The following CA12 variants were observed in gnomAD, a reference collection of about 807,000 sequenced individuals.
The protein encoded by CA12 is carbonate dehydratase XII.
In CA12, 36 loss-of-function variants were observed where a neutral mutation model predicts 46.8. The observed-to-expected ratio is 0.77, with a 90% CI of 0.59 to 1.02. CA12 has a LOEUF of 1.02. Ranked by LOEUF, CA12 falls within the 50% of genes least tolerant of loss-of-function variation. The pLI, the probability that CA12 is intolerant of heterozygous loss-of-function variation, is 0.00. For synonymous variants in CA12, 202 were observed against 187.0 expected, an observed-to-expected ratio of 1.08 and a Z score of -0.65; for missense variants, 436 against 451.4, an observed-to-expected ratio of 0.97 and a Z score of 0.31.
chr15:63,344,579 A>G (rs2152617501), intron 4 of CA12, among the ~76,000 whole-genome samples: 1 of 152,300 alleles, frequency 6.6e-6, no homozygotes, highest in Admixed American at 6.5e-5. Context: ...ACCAGATCCT[A>G]TCCCTTCCAT....
At chr15:63,351,456 C>A (rs1595784144) in intron 2 of CA12, among the ~76,000 whole-genome samples, 2 of 152,272 alleles carry the variant, frequency 1.3e-5, no homozygotes, top group African/African-American at 4.8e-5. Context: ...CCTGCCCCAC[C>A]CCAACAAGAC....
chr15:63,332,446 C>G (rs551860676), intron 8 of CA12, among the ~76,000 whole-genome samples: 79 of 152,336 alleles, frequency 5.2e-4, no homozygotes, highest in African/African-American at 1.3e-3. Flanking sequence ...CTGCAGACAG[C>G]ACGTTGCTCT....
At chr15:63,380,156 C>T (rs1042940421) in intron 1 of CA12, among the ~76,000 whole-genome samples, 1 of 152,176 alleles carries the variant, frequency 6.6e-6, no homozygotes, top group African/African-American at 2.4e-5. Flanking sequence ...CTGTGCTCTA[C>T]CCAGGGGTAG....
At chr15:63,338,589 G>C (rs1426818631) in intron 8 of CA12, among the ~76,000 whole-genome samples, 1 of 152,166 alleles carries the variant, frequency 6.6e-6, no homozygotes, top group Admixed American at 6.5e-5. Context: ...GAGTGCTCTG[G>C]TCCATGTGCC....
chr15:63,334,787 T>G (rs2038978808), intron 8 of CA12, among the ~76,000 whole-genome samples: 1 of 152,170 alleles, frequency 6.6e-6, no homozygotes, highest in East Asian at 1.9e-4. Context: ...TGCACAGTTC[T>G]CTCTCACGCT....
rs551823799 is a variant in CA12 at position 63,381,660 on chromosome 15, G to T, written c.61C>A (p.Pro21Thr). 147 of 1,611,908 alleles carry T rather than the reference G, an allele frequency of 9.1e-5. 3 individuals are homozygous for T. In the South Asian group the frequency reaches 1.6e-3, roughly 18 times the overall value. ...VLLLVILKEQ[P>T]SSPAPVNGSK... ...CCGTTCACTGGGGCCGGGCTGGAAG[G>T]CTGTTCCTTTAAGATCACCAGCAGG... The change falls in exon 1 of 11, where the codon CCT becomes ACT. Residue 21 changes from proline to threonine, a missense_variant. Transcript: ENST00000178638.
At chr15:63,379,344 C>G (rs1310150464) in intron 1 of CA12, among the ~76,000 whole-genome samples, 2 of 152,180 alleles carry the variant, frequency 1.3e-5, no homozygotes, top group African/African-American at 4.8e-5. Context: ...GCTCTGACCT[C>G]AGGAAGTCTC....
At chr15:63,370,760 G>A (rs963198889) in intron 2 of CA12, among the ~76,000 whole-genome samples, 3 of 150,596 alleles carry the variant, frequency 2.0e-5, no homozygotes, top group African/African-American at 7.4e-5. Flanking sequence ...GTGGCAGAGC[G>A]AGACTCCATC....
chr15:63,347,781 G>T (rs547147146), intron 2 of CA12, among the ~76,000 whole-genome samples: 1 of 152,320 alleles, frequency 6.6e-6, no homozygotes, highest in South Asian at 2.1e-4. Context: ...CGTTAGGGTA[G>T]ACCCAGGGTG....
In CA12 at chr15:63,338,594, T is replaced by C. The variant is rs140887384; in HGVS notation, c.874+225A>G. ...CAGGCTTAAAGAGTGCTCTGGTCCATGTGCCTGGGGGCCTCGGCTTTTTGC... is the reference window on the plus strand; with the variant it reads ...CAGGCTTAAAGAGTGCTCTGGTCCACGTGCCTGGGGGCCTCGGCTTTTTGC... On this transcript the variant is annotated intron_variant, in intron 8 of 10. Transcript: ENST00000178638. Among the ~76,000 whole-genome samples, 561 of 152,322 alleles carry C rather than the reference T, an allele frequency of 3.7e-3. 2 individuals carry two copies. Among genetic ancestry groups the C allele is most frequent in the African/African-American group, 0.012 (499 of 41,572 alleles).
At chr15:63,326,417 G>T (rs2038867988) in intron 10 of CA12, 60 bp from the exon 11 acceptor site, 4 of 1,376,314 alleles carry the variant, frequency 2.9e-6, no homozygotes, top group Admixed American at 1.7e-5. Flanking sequence ...CCAGAGAGCA[G>T]CCTGACTCAG....
rs565726608 is a variant in CA12, at chr15:63,328,340, T to A, written c.875-210A>T. On this transcript the variant is annotated intron_variant, in intron 8 of 10. Transcript: ENST00000178638. This position sits in a 1 kb window ranked among gnomAD's most constrained non-coding sequence, Gnocchi z 5.9. ...TGCAATCCCTCCTTCCGATGCTCCT[T>A]TTTTTTTTTTTTTTGAGATGGAATC... is the stretch of plus-strand genomic sequence containing the variant. Among the ~76,000 whole-genome samples the A allele has an allele frequency of 2.4e-5, 3 of 126,746 alleles. No homozygotes were observed. The highest frequency in any genetic ancestry group is 5.3e-5 in the Non-Finnish European group (3 of 56,918). 83.2% of individuals were successfully genotyped at this position (126,746 alleles called of 152,430 possible). A position where few individuals can be genotyped will look rare whatever the true frequency, so the allele number is the denominator to read the frequency against.
At chr15:63,380,158 C>T (rs2039626759) in intron 1 of CA12, among the ~76,000 whole-genome samples, 1 of 152,186 alleles carries the variant, frequency 6.6e-6, no homozygotes, top group South Asian at 2.1e-4. Context: ...GTGCTCTACC[C>T]AGGGGTAGGC....
rs2039536736 is a variant in CA12, at chr15:63,373,734, G to C, written c.106+1924C>G. Among the ~76,000 whole-genome samples, 1 of 152,210 alleles carries C rather than the reference G, an allele frequency of 6.6e-6. No homozygotes were observed. The highest frequency in any genetic ancestry group is 6.5e-5 in the Admixed American group (1 of 15,290). The stretch of plus-strand genomic sequence containing the variant: ...CTGATGTGGGTGATCCCAAGCCGTA[G>C]TTTGAGAAACACTGGTCTAGACAAC... On this transcript the variant is annotated intron_variant, in intron 2 of 10. Coordinates refer to ENST00000178638, the MANE Select transcript of CA12 (RefSeq NM_001218.5). This position sits in a 1 kb window ranked among gnomAD's most constrained non-coding sequence, Gnocchi z 4.9.
chr15:63,351,402 C>A (rs2039230076), intron 2 of CA12, among the ~76,000 whole-genome samples: 1 of 152,166 alleles, frequency 6.6e-6, no homozygotes, highest in Non-Finnish European at 1.5e-5. Context: ...TTGGGTGGCA[C>A]CACCCCACCA....
rs1335255855 is a variant in CA12, at chr15:63,329,586, T to C, written c.875-1456A>G. 6.6e-6 allele frequency among the ~76,000 whole-genome samples: 1 copy of C among 152,228 alleles called. No individual in the cohort carries two copies. The highest frequency in any genetic ancestry group is 1.5e-5 in the Non-Finnish European group (1 of 68,040). On this transcript the variant is annotated intron_variant, in intron 8 of 10. Coordinates refer to ENST00000178638, the MANE Select transcript of CA12 (RefSeq NM_001218.5). This position sits in a 1 kb window ranked among gnomAD's most constrained non-coding sequence, Gnocchi z 4.8. Reference sequence around the variant, plus strand: ...TCAATGGAAACTTCTAGCATGTGTGTGTGTCTTGGAGGAAGAAGGGGTATT... The same window carrying C: ...TCAATGGAAACTTCTAGCATGTGTGCGTGTCTTGGAGGAAGAAGGGGTATT...
At position 63,345,335 on chromosome 15, in the gene CA12, T is replaced by C; in HGVS notation, c.429+142A>G. Reference sequence around the variant, plus strand: ...CAGGCTAGTGGAGTGGCTGCGCCCCTTGTGCCAGGGCCAGAGGTGGGGCAG... The same window carrying C: ...CAGGCTAGTGGAGTGGCTGCGCCCCCTGTGCCAGGGCCAGAGGTGGGGCAG... On this transcript the variant is annotated intron_variant, in intron 4 of 10. Transcript: ENST00000178638. This position sits in a 1 kb window ranked among gnomAD's most constrained non-coding sequence, Gnocchi z 4.3. 1.9e-6 allele frequency: 2 copies of C among 1,037,454 alleles called. No homozygotes were observed. Among genetic ancestry groups the C allele is most frequent in the East Asian group, 2.6e-5 (1 of 38,618 alleles). 64.3% of individuals were successfully genotyped at this position (1,037,454 alleles called of 1,614,324 possible). A position where few individuals can be genotyped will look rare whatever the true frequency, so the allele number is the denominator to read the frequency against.
intron 2 of CA12, among the ~76,000 whole-genome samples, chr15:63,367,777 T>C (rs2039454611): frequency 6.6e-6 from 1 of 152,246 alleles, no homozygotes; most frequent in Non-Finnish European, 1.5e-5. Flanking sequence ...ATTTGTTTCT[T>C]CCTGGTTGGC....
At chr15:63,349,919 T>A (rs796586508) in intron 2 of CA12, among the ~76,000 whole-genome samples, 9 of 152,156 alleles carry the variant, frequency 5.9e-5, no homozygotes, top group African/African-American at 2.2e-4. Context: ...CCACCTTAAT[T>A]CCCTCATGTA....
Sources: allele counts gnomAD v4.1 joint callset (sites outside exome capture counted in the v4.1 genomes callset), GRCh38; gene constraint gnomAD v4.1.1; non-coding constraint Gnocchi (gnomAD v3.1); transcripts MANE v1.5; gene names NCBI Gene and HGNC (gene_info 2026-07-23, HGNC 2026-07-21).